The following ERC1 variants were observed in gnomAD, a reference collection of about 807,000 sequenced individuals.
The protein encoded by ERC1 is ELKS/RAB6-interacting/CAST family member 1, also known as RAB6 interacting protein 2.
ERC1 carries 56 observed loss-of-function variants against 132.0 expected under a neutral mutation model. The ratio of observed to expected loss-of-function variants is 0.42; its 90% CI spans 0.34 to 0.53. The LOEUF is 0.53. Ranked by LOEUF, ERC1 falls within the 20% of genes least tolerant of loss-of-function variation. The pLI, the probability that ERC1 is intolerant of heterozygous loss-of-function variation, is 0.03. For synonymous variants in ERC1, 478 were observed against 476.1 expected (o/e 1.00, Z -0.05); for missense variants, 1,202 against 1,349.9 (o/e 0.89, Z 1.72).
intron 14 of ERC1, among the ~76,000 whole-genome samples, chr12:1,275,990 A>T (rs972330907): frequency 6.6e-6 from 1 of 152,212 alleles, no homozygotes; most frequent in Non-Finnish European, 1.5e-5. Context: ...GTTGTTAAAC[A>T]ACAGATTCTC....
chr12:1,444,585 T>C lies in ERC1; in HGVS notation c.3048T>C (p.Leu1016=), dbSNP rs2093250991. ...PDQIIQPLLE[L]DQNRSKLKLY... is the part of the protein sequence containing the mutation. ...AGATCATCCAGCCCCTCTTAGAACT[T>C]GACCAAAATAGAAGTAAATTAAAGT... The change falls in exon 18 of 19, where the codon CTT becomes CTC. Residue 1016 remains leucine, a synonymous_variant. Transcript: ENST00000360905. 1 of 1,612,540 alleles carries C rather than the reference T, an allele frequency of 6.2e-7. No individual in the cohort carries two copies. Among genetic ancestry groups the C allele is most frequent in the Non-Finnish European group, 8.5e-7 (1 of 1,179,356 alleles).
chr12:1,384,711 G>T (rs971396445), intron 16 of ERC1, among the ~76,000 whole-genome samples: 2 of 152,110 alleles, frequency 1.3e-5, no homozygotes, highest in African/African-American at 4.8e-5. Flanking sequence ...TGAAATATAA[G>T]AATTTAAATA....
intron 16 of ERC1, among the ~76,000 whole-genome samples, chr12:1,404,078 A>G (rs1447573852): frequency 6.6e-6 from 1 of 152,266 alleles, no homozygotes; most frequent in African/African-American, 2.4e-5. Context: ...CTATAACAAA[A>G]TAACTCAGAC....
At chr12:1,434,934 G>C (rs984823150) in intron 17 of ERC1, among the ~76,000 whole-genome samples, 1 of 152,210 alleles carries the variant, frequency 6.6e-6, no homozygotes, top group Non-Finnish European at 1.5e-5. Context: ...GTGCTACACG[G>C]CTTAACGTTT....
At chr12:1,443,726 T>G (rs1466047450) in intron 17 of ERC1, 1 of 152,270 alleles carries the variant, frequency 6.6e-6, no homozygotes, top group Admixed American at 6.5e-5. Context: ...GCCAGACTAT[T>G]GTCACGAGAG....
chr12:1,316,879 G>A (rs979589814), intron 15 of ERC1, among the ~76,000 whole-genome samples: 1 of 152,216 alleles, frequency 6.6e-6, no homozygotes, highest in Non-Finnish European at 1.5e-5. Flanking sequence ...GTGGCACGTG[G>A]CCAGGCATGG....
At chr12:1,031,398 G>C (rs1968010442) in intron 2 of ERC1, among the ~76,000 whole-genome samples, 1 of 152,040 alleles carries the variant, frequency 6.6e-6, no homozygotes, top group Non-Finnish European at 1.5e-5. Context: ...CTGTATATTA[G>C]AGGCCTCTAA....
chr12:1,335,567 G>A (rs2083241773), intron 15 of ERC1, among the ~76,000 whole-genome samples: 1 of 152,138 alleles, frequency 6.6e-6, no homozygotes, highest in Non-Finnish European at 1.5e-5. Context: ...GCATCGTAGA[G>A]ACAAAGCCTA....
At chr12:1,373,370 T>A (rs541739384) in intron 16 of ERC1, among the ~76,000 whole-genome samples, 139 of 152,382 alleles carry the variant, frequency 9.1e-4, no homozygotes, top group Admixed American at 1.8e-3. Flanking sequence ...CAGTTCTTGA[T>A]CTCTTCACTT....
At chr12:1,463,361 G>T (rs369030526) in intron 18 of ERC1, among the ~76,000 whole-genome samples, 9 of 152,186 alleles carry the variant, frequency 5.9e-5, no homozygotes, top group African/African-American at 1.7e-4. Flanking sequence ...TAGCCAAATG[G>T]ATGTAGCTGT....
At chr12:1,405,219 T>C (rs2091397487) in intron 16 of ERC1, among the ~76,000 whole-genome samples, 1 of 149,474 alleles carries the variant, frequency 6.7e-6, no homozygotes, top group Admixed American at 6.6e-5. Context: ...AACACAAACA[T>C]TCAGACCATA....
chr12:1,366,531 C>G (rs2086676392), intron 15 of ERC1, among the ~76,000 whole-genome samples: 1 of 152,152 alleles, frequency 6.6e-6, no homozygotes. Context: ...CATAGCAGCT[C>G]TATGACAGAG....
intron 2 of ERC1, among the ~76,000 whole-genome samples, chr12:1,038,567 G>A (rs149033583): frequency 0.023 from 3,439 of 152,096 alleles, 52 homozygotes; most frequent in Non-Finnish European, 0.038. Flanking sequence ...CACCATCTTG[G>A]CCAGACTGGT....
At chr12:1,363,132 G>A (rs532080043) in intron 15 of ERC1, among the ~76,000 whole-genome samples, 11 of 152,246 alleles carry the variant, frequency 7.2e-5, no homozygotes, top group East Asian at 3.9e-4. Flanking sequence ...ATCTGCCTCC[G>A]ATCCTTGTGG....
rs950744079 is a variant in ERC1 at position 1,493,741 on chromosome 12, G to A, written c.*3511G>A. The A allele has an allele frequency of 5.7e-5, 12 of 212,036 alleles. No homozygotes were observed. In the East Asian group the frequency reaches 8.4e-4, roughly 15 times the overall value. 13.1% of individuals were successfully genotyped at this position (212,036 alleles called of 1,614,324 possible). ...CCAAGGCCGCCTTCAGTGTCAAGAA[G>A]GGCATTGTGACTTGCCCCTCAATTT... On this transcript the variant is annotated 3_prime_UTR_variant, in exon 19 of 19. Coordinates refer to ENST00000360905, the MANE Select transcript of ERC1 (RefSeq NM_178040.4).
intron 11 of ERC1, among the ~76,000 whole-genome samples, chr12:1,187,447 T>G (rs1955225313): frequency 6.6e-6 from 1 of 151,934 alleles, no homozygotes; most frequent in Admixed American, 6.6e-5. Context: ...TATTTTTTTT[T>G]GTAGAGGCGA....
intron 7 of ERC1, among the ~76,000 whole-genome samples, chr12:1,135,351 A>T (rs1479255393): frequency 6.6e-6 from 1 of 152,112 alleles, no homozygotes; most frequent in Non-Finnish European, 1.5e-5. Context: ...CATTTTAGTG[A>T]TGTTGTCTCT....
In ERC1 at chr12:991,257, G is replaced by GACAGC; in HGVS notation, c.-222_-221insACAGC. ...TGGGCCGTGCTGTGGCGGCGGCGGC[G>GACAGC]GCGGTAGTGGCGGCGGCGGCGGTGC... On this transcript the variant is annotated 5_prime_UTR_variant, in exon 1 of 19. Transcript: ENST00000360905. 1 of 166,034 alleles carries GACAGC rather than the reference G, an allele frequency of 6.0e-6. No individual in the cohort carries two copies. The highest frequency in any genetic ancestry group is 1.2e-5 in the Non-Finnish European group (1 of 80,702). The allele number at this position is 166,034 out of a possible 1,614,324, so 10.3% of individuals were successfully genotyped here. A position where few individuals can be genotyped will look rare whatever the true frequency, so the allele number is the denominator to read the frequency against.
At chr12:1,037,461 G>A (rs1296213138) in intron 2 of ERC1, among the ~76,000 whole-genome samples, 3 of 152,002 alleles carry the variant, frequency 2.0e-5, no homozygotes, top group Non-Finnish European at 4.4e-5. Flanking sequence ...ATTTAAAACC[G>A]TACCACCCTC....
Sources: allele counts gnomAD v4.1 joint callset (sites outside exome capture counted in the v4.1 genomes callset), GRCh38; gene constraint gnomAD v4.1.1; transcripts MANE v1.5; gene names NCBI Gene and HGNC (gene_info 2026-07-23, HGNC 2026-07-21).